The following ACSF2 variants were observed in gnomAD, a reference collection of about 807,000 sequenced individuals.
The protein encoded by ACSF2 is medium-chain acyl-CoA ligase ACSF2, mitochondrial.
Under a neutral mutation model 79.3 loss-of-function variants are expected in ACSF2, and 52 were observed. The observed-to-expected ratio is 0.66, with a 90% CI of 0.53 to 0.83. The LOEUF is 0.83. ACSF2 is among the 40% of genes least tolerant of loss of function. The probability of loss-of-function intolerance (pLI) is 0.00; values close to 1 mark genes in which losing one functional copy is unlikely to be tolerated. For missense variants in ACSF2, 661 were observed against 803.3 expected, an observed-to-expected ratio of 0.82 and a Z score of 2.14; for synonymous variants, 283 against 312.6, an observed-to-expected ratio of 0.91 and a Z score of 1.00.
At position 50,474,692 on chromosome 17, in the gene ACSF2, A is replaced by G; in HGVS notation, c.*140A>G. ...TGTCAAGGAATTGACTGAACGAACT[A>G]AGAGCTCCTGGATGGGTCCGGGAAC... On this transcript the variant is annotated 3_prime_UTR_variant, in exon 16 of 16. Coordinates refer to ENST00000300441, the MANE Select transcript of ACSF2 (RefSeq NM_025149.6). The surrounding 1 kb of genome is among the most constrained non-coding windows in gnomAD (Gnocchi z 4.2). The G allele has an allele frequency of 1.0e-6, 1 of 965,444 alleles. No individual in the cohort carries two copies. The highest frequency in any genetic ancestry group is 2.2e-5 in the Admixed American group (1 of 44,510). 59.8% of individuals were successfully genotyped at this position (965,444 alleles called of 1,614,324 possible). A position where few individuals can be genotyped will look rare whatever the true frequency, so the allele number is the denominator to read the frequency against.
intron 1 of ACSF2, among the ~76,000 whole-genome samples, chr17:50,444,658 C>A (rs2031180979): frequency 6.6e-6 from 1 of 151,930 alleles, no homozygotes; most frequent in South Asian, 2.1e-4. Context: ...CACACACACA[C>A]ACACACACAC....
chr17:50,474,054 C>A lies in ACSF2; in HGVS notation c.1728+50C>A. 6.4e-7 allele frequency: 1 copy of A among 1,554,860 alleles called. No homozygotes were observed. The highest frequency in any genetic ancestry group is 8.7e-7 in the Non-Finnish European group (1 of 1,147,530). On this transcript the variant is annotated intron_variant, in intron 14 of 15. Coordinates refer to ENST00000300441, the MANE Select transcript of ACSF2 (RefSeq NM_025149.6). The surrounding 1 kb of genome is among the most constrained non-coding windows in gnomAD (Gnocchi z 4.2). ...TGATGCTGCTCTGTTCTTTGCTCAC[C>A]CACTCCTCTGCCAACCAGCCCAGGG...
chr17:50,465,306 G>C (rs148646321), intron 10 of ACSF2: 1 of 1,613,982 alleles, frequency 6.2e-7, no homozygotes, highest in African/African-American at 1.3e-5. Context: ...GTTTAATGGC[G>C]GCCAGCTTTC....
chr17:50,446,283 T>C (rs1011297521), intron 1 of ACSF2, among the ~76,000 whole-genome samples: 4 of 151,982 alleles, frequency 2.6e-5, no homozygotes, highest in African/African-American at 7.3e-5. Flanking sequence ...TGTTGAAATA[T>C]ATGACAGATT....
intron 1 of ACSF2, chr17:50,450,874 G>GT (rs779478840): frequency 1.3e-5 from 2 of 152,194 alleles, no homozygotes; most frequent in Non-Finnish European, 2.9e-5. Flanking sequence ...TGGACATTTG[G>GT]TTTGTTTCCG....
At position 50,472,472 on chromosome 17, in the gene ACSF2, C is replaced by T. The variant is rs201607757; in HGVS notation, c.1368C>T (p.Asn456=). The T allele has an allele frequency of 5.9e-5, 95 of 1,612,902 alleles. No homozygotes were observed. In the East Asian group the frequency reaches 1.5e-3, roughly 26 times the overall value. ...NMEAGTLAKL[N]TPGELCIRGY... ...AGGCAGGGACGCTGGCAAAGCTGAA[C>T]ACGCCCGGGGAGCTGTGCATCCGAG... The change falls in exon 12 of 16, where the codon AAC becomes AAT. Residue 456 remains asparagine (N), a synonymous_variant. Transcript: ENST00000300441.
intron 1 of ACSF2, among the ~76,000 whole-genome samples, chr17:50,448,294 A>T (rs1165747125): frequency 6.6e-6 from 1 of 152,250 alleles, no homozygotes. Flanking sequence ...ACAATATTAC[A>T]ATATAATCTT....
In ACSF2 at chr17:50,428,508, AGCATGGTGGCTTATGCCTG is replaced by A. The variant is rs1915217844; in HGVS notation, c.128+2120_128+2138del. On this transcript the variant is annotated intron_variant, in intron 1 of 15. Transcript: ENST00000300441. ...AATAAATAAATAAAAATAAAGGCCA[AGCATGGTGGCTTATGCCTG>A]TAATCCCAGCACTTTGGGAGGCTGA... Among the ~76,000 whole-genome samples, 4 of 147,944 alleles carry A rather than the reference AGCATGGTGGCTTATGCCTG, an allele frequency of 2.7e-5. No individual in the cohort carries two copies. The South Asian group carries it at 8.6e-4, about 32-fold the overall frequency.
chr17:50,451,088 C>G (rs2031645280), intron 1 of ACSF2, among the ~76,000 whole-genome samples: 1 of 152,116 alleles, frequency 6.6e-6, no homozygotes, highest in Non-Finnish European at 1.5e-5. Context: ...AGGTGTGCAC[C>G]ACCATGCCCA....
chr17:50,441,846 A>T (rs968689429), intron 1 of ACSF2, among the ~76,000 whole-genome samples: 6 of 150,756 alleles, frequency 4.0e-5, no homozygotes, highest in East Asian at 1.9e-4. Context: ...ATTTATTTTT[A>T]TTTATTTATT....
intron 1 of ACSF2, among the ~76,000 whole-genome samples, chr17:50,437,210 T>G (rs1413716289): frequency 6.6e-6 from 1 of 152,208 alleles, no homozygotes; most frequent in African/African-American, 2.4e-5. Context: ...AGGGAGAGCC[T>G]GCCTTTCGAC....
At chr17:50,468,780 GGCCGAGGCTGA>G (rs2032929768) in intron 10 of ACSF2, 1 of 1,570,842 alleles carries the variant, frequency 6.4e-7, no homozygotes, top group Admixed American at 1.8e-5. Context: ...CCAGCCAGGA[GGCCGAGGCTGA>G]GCAAGAGCAT....
At chr17:50,451,433 C>T (rs1473123581) in intron 1 of ACSF2, among the ~76,000 whole-genome samples, 2 of 152,160 alleles carry the variant, frequency 1.3e-5, no homozygotes, top group Non-Finnish European at 2.9e-5. Context: ...CTTGCCAACA[C>T]TTGTTATTTT....
chr17:50,465,166 C>T, intron 10 of ACSF2: 1 of 1,129,196 alleles, frequency 8.9e-7, no homozygotes, highest in Non-Finnish European at 1.3e-6. Flanking sequence ...CCAGTCGTCC[C>T]CTCCTCTCTC....
chr17:50,464,222 C>A lies in ACSF2; in HGVS notation c.1143C>A (p.Val381=). 6.2e-7 allele frequency: 1 copy of A among 1,614,102 alleles called. No homozygotes were observed. The highest frequency in any genetic ancestry group is 8.5e-7 in the Non-Finnish European group (1 of 1,180,008). ...SYDISTMCGG[V]IAGSPAPPEL... ...TCAGCCCTCTCTCTGATTCAGGTGTCATTGCTGGGTCCCCTGCACCTCCAG... is the reference window on the plus strand; with the variant it reads ...TCAGCCCTCTCTCTGATTCAGGTGTAATTGCTGGGTCCCCTGCACCTCCAG... The change falls in exon 10 of 16, where the codon GTC becomes GTA. Residue 381 remains valine, a synonymous_variant. Coordinates refer to ENST00000300441, the MANE Select transcript of ACSF2 (RefSeq NM_025149.6).
chr17:50,462,147 C>T (rs776012354), intron 4 of ACSF2, 37 bp from the exon 5 acceptor site: 3 of 1,592,706 alleles, frequency 1.9e-6, no homozygotes, highest in Non-Finnish European at 2.6e-6. Context: ...GTCTGGGGCT[C>T]CCCGCTGACT....
At chr17:50,456,064 T>C (rs531805310) in intron 1 of ACSF2, among the ~76,000 whole-genome samples, 15 of 152,250 alleles carry the variant, frequency 9.9e-5, no homozygotes, top group Non-Finnish European at 1.8e-4. Context: ...ATAGAAGATA[T>C]ACGTGGTCTT....
chr17:50,468,731 T>C (rs768160398), intron 10 of ACSF2: 3 of 1,609,956 alleles, frequency 1.9e-6, no homozygotes, highest in South Asian at 2.2e-5. Context: ...GCTGTGGCAG[T>C]GGCAGTTCTG....
chr17:50,456,129 C>G (rs2031977407), intron 1 of ACSF2, among the ~76,000 whole-genome samples: 1 of 152,184 alleles, frequency 6.6e-6, no homozygotes. Context: ...GAGTCCTGAA[C>G]AGCTTCAAAC....
Sources: allele counts gnomAD v4.1 joint callset (sites outside exome capture counted in the v4.1 genomes callset), GRCh38; gene constraint gnomAD v4.1.1; non-coding constraint Gnocchi (gnomAD v3.1); transcripts MANE v1.5; gene names NCBI Gene and HGNC (gene_info 2026-07-23, HGNC 2026-07-21).